Variants in MACROD1 observed in about 807,000 individuals in gnomAD.
The protein encoded by MACROD1 is ADP-ribose glycohydrolase MACROD1.
A neutral mutation model predicts 41.4 loss-of-function variants in MACROD1; 31 were observed. The ratio of observed to expected loss-of-function variants is 0.75; its 90% CI spans 0.56 to 1.01. The LOEUF is 1.01. Among genes scored for constraint, MACROD1 ranks in the 50% least tolerant of loss-of-function variants. The pLI, the probability that MACROD1 is intolerant of heterozygous loss-of-function variation, is 0.00. For missense variants in MACROD1, 473 were observed against 460.0 expected (o/e 1.03, Z -0.26); for synonymous variants, 252 against 203.4 (o/e 1.24, Z -2.03).
chr11:64,040,433 C>A (rs1419052702), intron 3 of MACROD1, among the ~76,000 whole-genome samples: 1 of 152,168 alleles, frequency 6.6e-6, no homozygotes, highest in Non-Finnish European at 1.5e-5. Flanking sequence ...CCGGCCAGGG[C>A]TGGGGCTGGT....
chr11:64,106,435 C>T lies in MACROD1; in HGVS notation c.517+44804G>A, dbSNP rs1161497103. Among the ~76,000 whole-genome samples, 4 of 152,304 alleles carry T rather than the reference C, an allele frequency of 2.6e-5. No individual in the cohort carries two copies. The East Asian group carries it at 7.7e-4, about 29-fold the overall frequency. ...TACTGAGCACTTTCTGTGCCAGGCTCCATGCCAGGCACAAGGCAGACCATG... is the reference window on the plus strand; with the variant it reads ...TACTGAGCACTTTCTGTGCCAGGCTTCATGCCAGGCACAAGGCAGACCATG... On this transcript the variant is annotated intron_variant, in intron 3 of 10. Coordinates refer to ENST00000255681, the MANE Select transcript of MACROD1 (RefSeq NM_014067.4).
intron 3 of MACROD1, among the ~76,000 whole-genome samples, chr11:64,068,424 AC>A (rs2134455449): frequency 6.6e-6 from 1 of 152,330 alleles, no homozygotes; most frequent in East Asian, 1.9e-4. Context: ...CATTGACCTC[AC>A]CAGCTGCTAG....
chr11:64,135,476 GC>G (rs1246630123), intron 3 of MACROD1, among the ~76,000 whole-genome samples: 2 of 152,198 alleles, frequency 1.3e-5, no homozygotes, highest in Non-Finnish European at 2.9e-5. Context: ...CTTGCCGCTT[GC>G]CCTCGGCCAC....
rs185197042 is a variant in MACROD1, at chr11:64,043,031, G to A, written c.518-27750C>T. Among the ~76,000 whole-genome samples the A allele has an allele frequency of 7.9e-5, 12 of 152,324 alleles. No homozygotes were observed. The East Asian group carries it at 1.2e-3, about 15-fold the overall frequency. ...GCTATGAAATGAAAGCTCTGGAGTCGATGAACTTGGGCTCGAAGCCCACCT... is the reference window on the plus strand; with the variant it reads ...GCTATGAAATGAAAGCTCTGGAGTCAATGAACTTGGGCTCGAAGCCCACCT... On this transcript the variant is annotated intron_variant, in intron 3 of 10. Coordinates refer to ENST00000255681, the MANE Select transcript of MACROD1 (RefSeq NM_014067.4).
At chr11:64,081,389 T>C (rs1944300774) in intron 3 of MACROD1, among the ~76,000 whole-genome samples, 1 of 152,122 alleles carries the variant, frequency 6.6e-6, no homozygotes. Flanking sequence ...GTGCTGGGCG[T>C]GCTCAGGGAC....
At chr11:64,007,199 G>A (rs2134327397) in intron 4 of MACROD1, among the ~76,000 whole-genome samples, 1 of 152,352 alleles carries the variant, frequency 6.6e-6, no homozygotes, top group Admixed American at 6.5e-5. Flanking sequence ...GAGGGCTCGG[G>A]GGCGACGTGC....
chr11:64,165,552 G>T (rs1395641384), intron 1 of MACROD1, 145 bp downstream of exon 1: 1 of 628,314 alleles, frequency 1.6e-6, no homozygotes, highest in Non-Finnish European at 2.5e-6. Flanking sequence ...CAATGGGGAG[G>T]AGGGGTCCGT....
intron 3 of MACROD1, among the ~76,000 whole-genome samples, chr11:64,139,229 T>C (rs1459638741): frequency 6.6e-6 from 1 of 152,044 alleles, no homozygotes; most frequent in Non-Finnish European, 1.5e-5. Flanking sequence ...GCCCACATGC[T>C]CTCCATGCTC....
intron 3 of MACROD1, among the ~76,000 whole-genome samples, chr11:64,113,736 T>TGATGGATG (rs747928879): frequency 7.0e-6 from 1 of 142,116 alleles, no homozygotes; most frequent in African/African-American, 2.7e-5. Flanking sequence ...GATACATGGA[T>TGATGGATG]GATGGATGGA....
At chr11:64,124,257 C>T (rs770548669) in intron 3 of MACROD1, among the ~76,000 whole-genome samples, 5 of 152,200 alleles carry the variant, frequency 3.3e-5, no homozygotes, top group Non-Finnish European at 7.3e-5. Flanking sequence ...GCCTCCCAGG[C>T]CCTGCAGCTC....
At chr11:64,070,325 C>T (rs924411772) in intron 3 of MACROD1, among the ~76,000 whole-genome samples, 9 of 152,122 alleles carry the variant, frequency 5.9e-5, no homozygotes, top group Non-Finnish European at 2.9e-5. Context: ...TCCCTGGGGG[C>T]CTCGGAGCTG....
At chr11:64,144,698 C>T (rs1193533038) in intron 3 of MACROD1, among the ~76,000 whole-genome samples, 9 of 152,250 alleles carry the variant, frequency 5.9e-5, no homozygotes, top group Admixed American at 5.9e-4. Flanking sequence ...CAGGTTCCAG[C>T]TGCAAAGTCT....
chr11:64,104,616 C>A (rs1236908246), intron 3 of MACROD1, among the ~76,000 whole-genome samples: 1 of 152,040 alleles, frequency 6.6e-6, no homozygotes, highest in African/African-American at 2.4e-5. Flanking sequence ...TGCCCTTGAA[C>A]GAGAGGGAGT....
At chr11:64,058,082 C>T (rs553487452) in intron 3 of MACROD1, among the ~76,000 whole-genome samples, 18 of 152,348 alleles carry the variant, frequency 1.2e-4, no homozygotes, top group African/African-American at 3.6e-4. Context: ...GGAACAATTG[C>T]GAACCCATTA....
intron 1 of MACROD1, among the ~76,000 whole-genome samples, chr11:64,155,390 CT>C (rs1945651673): frequency 6.6e-6 from 1 of 152,244 alleles, no homozygotes; most frequent in Non-Finnish European, 1.5e-5. Flanking sequence ...CAGGCTGCGC[CT>C]TTTCTTCTGT....
At chr11:64,087,508 C>G (rs1944415717) in intron 3 of MACROD1, among the ~76,000 whole-genome samples, 1 of 152,216 alleles carries the variant, frequency 6.6e-6, no homozygotes, top group Admixed American at 6.5e-5. Context: ...AGTTGCCACC[C>G]CTTGCTGGAG....
intron 4 of MACROD1, among the ~76,000 whole-genome samples, chr11:64,008,087 C>T (rs1366494436): frequency 1.3e-5 from 2 of 152,222 alleles, no homozygotes; most frequent in Admixed American, 6.5e-5. Flanking sequence ...GGGCAGGAGT[C>T]GAGCGCTGAA....
chr11:64,026,497 C>T (rs1943225898), intron 3 of MACROD1, among the ~76,000 whole-genome samples: 1 of 152,208 alleles, frequency 6.6e-6, no homozygotes, highest in African/African-American at 2.4e-5. Context: ...TGGGTCCACA[C>T]TTAGGAGTGG....
rs183247489 is a variant in MACROD1 at position 64,136,254 on chromosome 11, T to C, written c.517+14985A>G. ...GTCACCATGTGCCCACAACTCCTCA[T>C]TCATTCATTCACCCATTCATTGATT... is the stretch of plus-strand genomic sequence containing the variant. On this transcript the variant is annotated intron_variant, in intron 3 of 10. Transcript: ENST00000255681. Among the ~76,000 whole-genome samples the C allele has an allele frequency of 3.9e-5, 6 of 152,358 alleles. 1 individual carries two copies. Among genetic ancestry groups the C allele is most frequent in the Admixed American group, 3.9e-4 (6 of 15,306 alleles).
Sources: allele counts gnomAD v4.1 joint callset (sites outside exome capture counted in the v4.1 genomes callset), GRCh38; gene constraint gnomAD v4.1.1; transcripts MANE v1.5; gene names NCBI Gene and HGNC (gene_info 2026-07-23, HGNC 2026-07-21).